FOXO1: variants seen among roughly 807,000 people sequenced by gnomAD.
FOXO1 encodes the protein forkhead box protein O1.
Under a neutral mutation model 44.1 loss-of-function variants are expected in FOXO1, and 6 were observed. The observed-to-expected ratio is 0.14, with a 90% CI of 0.07 to 0.27. The LOEUF (loss-of-function observed/expected upper bound fraction) is 0.27. Ranked by LOEUF, FOXO1 falls within the 10% of genes least tolerant of loss-of-function variation. The pLI, the probability that FOXO1 is intolerant of heterozygous loss-of-function variation, is 1.00. For missense variants in FOXO1, 737 were observed against 888.8 expected, an observed-to-expected ratio of 0.83 and a Z score of 2.17; for synonymous variants, 380 against 362.7, an observed-to-expected ratio of 1.05 and a Z score of -0.54.
chr13:40,655,212 A>G (rs940245067), intron 1 of FOXO1, among the ~76,000 whole-genome samples: 13 of 151,980 alleles, frequency 8.6e-5, no homozygotes, highest in Middle Eastern at 3.4e-3. Flanking sequence ...GGTCTCTACT[A>G]TTACAGGTGT....
chr13:40,632,278 A>C (rs529047046), intron 1 of FOXO1, among the ~76,000 whole-genome samples: 1 of 152,356 alleles, frequency 6.6e-6, no homozygotes, highest in East Asian at 1.9e-4. Context: ...CTCAAAAACA[A>C]AACACAAAAA....
chr13:40,594,267 C>T (rs1875494102), intron 1 of FOXO1, among the ~76,000 whole-genome samples: 1 of 152,048 alleles, frequency 6.6e-6, no homozygotes, highest in Admixed American at 6.6e-5. Context: ...TTAAGGGGGC[C>T]AATGGGGGCA....
intron 1 of FOXO1, among the ~76,000 whole-genome samples, chr13:40,595,392 G>A (rs570849862): frequency 5.3e-5 from 8 of 152,068 alleles, no homozygotes; most frequent in African/African-American, 9.7e-5. Context: ...CTGTCAAAAC[G>A]CAGATCCTCG....
At chr13:40,588,889 G>C (rs1875270173) in intron 1 of FOXO1, among the ~76,000 whole-genome samples, 2 of 152,148 alleles carry the variant, frequency 1.3e-5, no homozygotes, top group Admixed American at 1.3e-4. Flanking sequence ...CAGATTGCTG[G>C]AAGTCAGGAG....
intron 1 of FOXO1, among the ~76,000 whole-genome samples, chr13:40,648,218 A>G (rs531552176): frequency 2.0e-5 from 3 of 152,316 alleles, no homozygotes; most frequent in African/African-American, 7.2e-5. Flanking sequence ...AGGAAACAGA[A>G]GCACACTCAT....
chr13:40,582,635 ACT>A (rs1875001395), intron 1 of FOXO1, among the ~76,000 whole-genome samples: 1 of 151,970 alleles, frequency 6.6e-6, no homozygotes, highest in Non-Finnish European at 1.5e-5. Context: ...TCAAGAAACC[ACT>A]CTCTTTGCTC....
intron 1 of FOXO1, among the ~76,000 whole-genome samples, chr13:40,616,541 T>C (rs1178420806): frequency 6.6e-6 from 1 of 152,122 alleles, no homozygotes; most frequent in African/African-American, 2.4e-5. Context: ...GCCAAACGCA[T>C]GTGGAGAAGA....
chr13:40,585,391 G>A (rs937996092), intron 1 of FOXO1, among the ~76,000 whole-genome samples: 4 of 148,868 alleles, frequency 2.7e-5, no homozygotes, highest in Non-Finnish European at 5.9e-5. Flanking sequence ...TCACAATGGA[G>A]TTTTGAAAAG....
At chr13:40,598,879 A>T (rs1369201847) in intron 1 of FOXO1, among the ~76,000 whole-genome samples, 1 of 152,366 alleles carries the variant, frequency 6.6e-6, no homozygotes, top group African/African-American at 2.4e-5. Context: ...TTTCATTTTC[A>T]CAGCTCAATT....
intron 1 of FOXO1, among the ~76,000 whole-genome samples, chr13:40,617,205 G>A (rs961546049): frequency 1.3e-5 from 2 of 152,226 alleles, no homozygotes; most frequent in Non-Finnish European, 2.9e-5. Context: ...CAGCACTTTG[G>A]GAGGCCAAGG....
At chr13:40,631,404 T>C (rs935810268) in intron 1 of FOXO1, among the ~76,000 whole-genome samples, 1 of 152,168 alleles carries the variant, frequency 6.6e-6, no homozygotes, top group African/African-American at 2.4e-5. Context: ...TAGGCAATGG[T>C]TTCTTAGACA....
chr13:40,643,347 G>GAAAAAAA (rs71727126), intron 1 of FOXO1, among the ~76,000 whole-genome samples: 3 of 91,376 alleles, frequency 3.3e-5, no homozygotes, highest in Admixed American at 1.2e-4. Context: ...GTCTCAAAAA[G>GAAAAAAA]AAAAAAAAAA....
At chr13:40,579,621 G>C (rs1874886070) in intron 1 of FOXO1, among the ~76,000 whole-genome samples, 1 of 152,038 alleles carries the variant, frequency 6.6e-6, no homozygotes, top group South Asian at 2.1e-4. Flanking sequence ...GAAAAAAAAA[G>C]GGGGCGGGGG....
intron 1 of FOXO1, among the ~76,000 whole-genome samples, chr13:40,579,042 T>G (rs2137847883): frequency 6.6e-6 from 1 of 152,348 alleles, no homozygotes; most frequent in African/African-American, 2.4e-5. Context: ...CATTTTTACA[T>G]CCTTTATGTC....
intron 1 of FOXO1, among the ~76,000 whole-genome samples, chr13:40,661,357 C>T (rs1236775424): frequency 1.3e-5 from 2 of 151,942 alleles, no homozygotes; most frequent in Admixed American, 1.3e-4. Flanking sequence ...CTCACTGCAA[C>T]CTCCGCCTTC....
At chr13:40,602,111 T>G (rs1206190451) in intron 1 of FOXO1, among the ~76,000 whole-genome samples, 1 of 152,202 alleles carries the variant, frequency 6.6e-6, no homozygotes, top group Non-Finnish European at 1.5e-5. Context: ...TTGAGTTCCA[T>G]CACAGTAGTT....
intron 1 of FOXO1, among the ~76,000 whole-genome samples, chr13:40,593,732 C>G (rs1412396923): frequency 1.3e-5 from 2 of 152,160 alleles, no homozygotes; most frequent in Non-Finnish European, 2.9e-5. Context: ...CTCTGGCTTG[C>G]AGTAAATCTA....
At chr13:40,620,889 C>G (rs1876590345) in intron 1 of FOXO1, among the ~76,000 whole-genome samples, 1 of 149,170 alleles carries the variant, frequency 6.7e-6, no homozygotes, top group Non-Finnish European at 1.5e-5. Context: ...ATCACCGTCT[C>G]CCGGGTTCAA....
At chr13:40,586,955 C>G (rs1875190684) in intron 1 of FOXO1, among the ~76,000 whole-genome samples, 1 of 152,188 alleles carries the variant, frequency 6.6e-6, no homozygotes, top group Non-Finnish European at 1.5e-5. Context: ...TATACCACCA[C>G]TTAAGATATT....
Sources: allele counts gnomAD v4.1 joint callset (sites outside exome capture counted in the v4.1 genomes callset), GRCh38; gene constraint gnomAD v4.1.1; transcripts MANE v1.5; gene names NCBI Gene and HGNC (gene_info 2026-07-23, HGNC 2026-07-21).